The following CDH12 variants were observed in gnomAD, a reference collection of about 807,000 sequenced individuals.
The protein encoded by CDH12 is cadherin 12.
Under a neutral mutation model 74.1 loss-of-function variants are expected in CDH12, and 41 were observed. That is an observed-to-expected ratio of 0.55 (90% CI 0.43 to 0.72). The LOEUF (loss-of-function observed/expected upper bound fraction) is 0.72, where lower values mean the gene tolerates loss of function less well. Ranked by LOEUF, CDH12 falls within the 30% of genes least tolerant of loss-of-function variation. The probability of loss-of-function intolerance (pLI) is 0.00; values close to 1 mark genes in which losing one functional copy is unlikely to be tolerated. For missense variants in CDH12, 945 were observed against 977.2 expected (o/e 0.97, Z 0.44); for synonymous variants, 399 against 355.0 (o/e 1.12, Z -1.39).
chr5:22,341,648 C>T (rs984719116), intron 3 of CDH12, among the ~76,000 whole-genome samples: 1 of 152,082 alleles, frequency 6.6e-6, no homozygotes, highest in African/African-American at 2.4e-5. Flanking sequence ...TAGTGAGGAT[C>T]CTGAGAAACT....
intron 8 of CDH12, among the ~76,000 whole-genome samples, chr5:21,839,744 CTG>C (rs1333312169): frequency 3.3e-5 from 5 of 152,076 alleles, no homozygotes; most frequent in Non-Finnish European, 5.9e-5. Flanking sequence ...AGAGAAAAAA[CTG>C]TGTTTTTTTG....
chr5:22,713,497 G>C (rs919788121), intron 1 of CDH12, among the ~76,000 whole-genome samples: 1 of 151,942 alleles, frequency 6.6e-6, no homozygotes, highest in Non-Finnish European at 1.5e-5. Context: ...GTAAAATAAG[G>C]ACAGTAATAT....
intron 5 of CDH12, among the ~76,000 whole-genome samples, chr5:22,036,390 T>C (rs762682282): frequency 6.6e-6 from 1 of 152,102 alleles, no homozygotes; most frequent in Non-Finnish European, 1.5e-5. Flanking sequence ...AATGACAACA[T>C]GATGAGATAA....
intron 1 of CDH12, among the ~76,000 whole-genome samples, chr5:22,575,707 G>T (rs1739754748): frequency 6.6e-6 from 1 of 151,912 alleles, no homozygotes; most frequent in South Asian, 2.1e-4. Flanking sequence ...TGGGATTACA[G>T]GTGTGTGCCA....
intron 3 of CDH12, among the ~76,000 whole-genome samples, chr5:22,286,039 T>C (rs1737118230): frequency 6.6e-6 from 1 of 152,148 alleles, no homozygotes; most frequent in Non-Finnish European, 1.5e-5. Flanking sequence ...TCTTACACGG[T>C]ATTGACAATA....
chr5:22,016,861 A>C (rs975558490), intron 5 of CDH12, among the ~76,000 whole-genome samples: 2 of 152,132 alleles, frequency 1.3e-5, no homozygotes, highest in Non-Finnish European at 2.9e-5. Flanking sequence ...TAGCCAAATG[A>C]GTCAGCCATT....
intron 1 of CDH12, among the ~76,000 whole-genome samples, chr5:22,644,809 G>T (rs955008090): frequency 1.3e-5 from 2 of 151,970 alleles, no homozygotes; most frequent in African/African-American, 4.8e-5. Context: ...TAATGCAGCT[G>T]GTGACTAAAT....
chr5:22,174,767 TCACCAA>T (rs2150331950), intron 4 of CDH12, among the ~76,000 whole-genome samples: 1 of 152,046 alleles, frequency 6.6e-6, no homozygotes, highest in African/African-American at 2.4e-5. Context: ...CACACTCTGG[TCACCAA>T]TGATAAAAAG....
At chr5:22,529,172 T>TATAG (rs1737447125) in intron 1 of CDH12, among the ~76,000 whole-genome samples, 1 of 60,808 alleles carries the variant, frequency 1.6e-5, no homozygotes, top group African/African-American at 5.8e-5. Context: ...TGTGTATATA[T>TATAG]ATATATATAT....
intron 3 of CDH12, among the ~76,000 whole-genome samples, chr5:22,310,138 T>A (rs1838319): frequency 0.42 from 63,216 of 151,518 alleles, 13,902 homozygotes; most frequent in Admixed American, 0.52. Flanking sequence ...ACCCCGGAAC[T>A]TAAAGTATAA....
chr5:22,072,173 C>T lies in CDH12; in HGVS notation c.231+6273G>A, dbSNP rs183184417. Among the ~76,000 whole-genome samples the T allele has an allele frequency of 7.9e-5, 12 of 152,122 alleles. No homozygotes were observed. The East Asian group carries it at 1.5e-3, about 20-fold the overall frequency. On this transcript the variant is annotated intron_variant, in intron 5 of 14. Transcript: ENST00000382254. ...GATCGGTCATTCTAGAATTGCAATT[C>T]CATTAATATTAATCCTCAAACGAGG...
chr5:22,055,308 G>A (rs1740662133), intron 5 of CDH12, among the ~76,000 whole-genome samples: 1 of 152,152 alleles, frequency 6.6e-6, no homozygotes, highest in Non-Finnish European at 1.5e-5. Context: ...GGCATACAGG[G>A]ACTTGTTTCC....
chr5:22,534,085 T>C (rs897060587), intron 1 of CDH12, among the ~76,000 whole-genome samples: 1 of 152,226 alleles, frequency 6.6e-6, no homozygotes, highest in Non-Finnish European at 1.5e-5. Flanking sequence ...GAATCACTGA[T>C]GTGCTCTTAT....
chr5:22,442,102 A>T (rs1744650610), intron 2 of CDH12, among the ~76,000 whole-genome samples: 1 of 152,152 alleles, frequency 6.6e-6, no homozygotes, highest in Admixed American at 6.6e-5. Context: ...AATTTCACAG[A>T]TTATCCTATG....
chr5:21,808,314 G>A (rs1747550204), intron 9 of CDH12, among the ~76,000 whole-genome samples: 1 of 151,662 alleles, frequency 6.6e-6, no homozygotes, highest in South Asian at 2.1e-4. Flanking sequence ...CTGTAGCCGT[G>A]GTTTTGTCCC....
chr5:21,865,869 T>G (rs1462683792), intron 6 of CDH12, among the ~76,000 whole-genome samples: 1 of 152,298 alleles, frequency 6.6e-6, no homozygotes, highest in African/African-American at 2.4e-5. Flanking sequence ...CCATGTGATA[T>G]GGTTTTGTTG....
intron 1 of CDH12, among the ~76,000 whole-genome samples, chr5:22,828,007 G>A (rs1221469076): frequency 6.6e-6 from 1 of 152,190 alleles, no homozygotes; most frequent in East Asian, 1.9e-4. Flanking sequence ...TTGTTCTAAA[G>A]TTCCTCATTT....
At chr5:21,877,852 A>T (rs1024152466) in intron 6 of CDH12, among the ~76,000 whole-genome samples, 3 of 152,222 alleles carry the variant, frequency 2.0e-5, no homozygotes, top group Non-Finnish European at 4.4e-5. Flanking sequence ...ATGAGCTTTC[A>T]TAAAACAAAG....
intron 2 of CDH12, among the ~76,000 whole-genome samples, chr5:22,444,073 AATG>A (rs1744727842): frequency 6.6e-6 from 1 of 152,106 alleles, no homozygotes; most frequent in Non-Finnish European, 1.5e-5. Flanking sequence ...TAAAATAACA[AATG>A]ATAACATTGA....
Sources: allele counts gnomAD v4.1 joint callset (sites outside exome capture counted in the v4.1 genomes callset), GRCh38; gene constraint gnomAD v4.1.1; transcripts MANE v1.5; gene names NCBI Gene and HGNC (gene_info 2026-07-23, HGNC 2026-07-21).